CCDC60: variants seen among roughly 807,000 people sequenced by gnomAD.
CCDC60 encodes coiled-coil domain-containing protein 60.
A neutral mutation model predicts 63.5 loss-of-function variants in CCDC60; 54 were observed. That is an observed-to-expected ratio of 0.85 (90% confidence interval 0.68 to 1.07). CCDC60 has a LOEUF of 1.07. CCDC60 is among the 50% of genes least tolerant of loss of function. CCDC60 has a pLI of 0.00. For synonymous variants in CCDC60, 206 were observed against 238.8 expected (o/e 0.86, Z 1.27); for missense variants, 651 against 684.3 (o/e 0.95, Z 0.54).
At chr12:119,506,468 C>T (rs900939496) in intron 7 of CCDC60, among the ~76,000 whole-genome samples, 4 of 147,244 alleles carry the variant, frequency 2.7e-5, no homozygotes, top group Non-Finnish European at 6.0e-5. Context: ...AAAAAATTAG[C>T]CATGCATGGT....
chr12:119,504,567 A>G (rs1566047547), intron 6 of CCDC60, among the ~76,000 whole-genome samples: 1 of 151,934 alleles, frequency 6.6e-6, no homozygotes, highest in Non-Finnish European at 1.5e-5. Context: ...TCTTTAGAAA[A>G]CCTCCATGAT....
intron 4 of CCDC60, among the ~76,000 whole-genome samples, chr12:119,482,713 T>C (rs977774661): frequency 6.6e-6 from 1 of 152,132 alleles, no homozygotes; most frequent in Non-Finnish European, 1.5e-5. Context: ...AACAACGATT[T>C]AGTATTGCTC....
In CCDC60 at chr12:119,520,501, G is replaced by A. The variant is rs184092433; in HGVS notation, c.1040+309G>A. On this transcript the variant is annotated intron_variant, in intron 9 of 13. Transcript: ENST00000327554. ...TTGGGTAATTTATAATGGAGGAGGT[G>A]GAGATCTTACCCCAATTTATTTGTT... Among the ~76,000 whole-genome samples, 7 of 151,930 alleles carry A rather than the reference G, an allele frequency of 4.6e-5. No homozygotes were observed. In the East Asian group the frequency reaches 9.7e-4, roughly 21 times the overall value.
At chr12:119,479,482 T>C in intron 4 of CCDC60, 1 of 388,722 alleles carries the variant, frequency 2.6e-6, no homozygotes, top group South Asian at 2.7e-5. Flanking sequence ...AAAATCTGTC[T>C]ACAGCCCTCA....
rs186548565 is a variant in CCDC60, at chr12:119,423,373, G to A, written c.91-5310G>A. Among the ~76,000 whole-genome samples, 14 of 152,314 alleles carry A rather than the reference G, an allele frequency of 9.2e-5. No individual in the cohort carries two copies. The East Asian group carries it at 2.5e-3, about 27-fold the overall frequency. ...TGGGGCCAAGACATTTGCATAAGGT[G>A]TACCCATAATTACTTGCTTTCACTC... is the stretch of plus-strand genomic sequence containing the variant. On this transcript the variant is annotated intron_variant, in intron 1 of 13. Coordinates refer to ENST00000327554, the MANE Select transcript of CCDC60 (RefSeq NM_178499.5).
chr12:119,505,458 C>G (rs1951972535), intron 7 of CCDC60, among the ~76,000 whole-genome samples, 155 bp downstream of exon 7: 2 of 152,232 alleles, frequency 1.3e-5, no homozygotes. Context: ...CTTTGTTTTC[C>G]CCAGTGGAGA....
chr12:119,433,339 A>G, intron 2 of CCDC60: 1 of 696,008 alleles, frequency 1.4e-6, no homozygotes, highest in Non-Finnish European at 2.6e-6. Context: ...CAACAGACGC[A>G]TTAAATGTTA....
At chr12:119,445,832 A>T (rs1175087504) in intron 2 of CCDC60, among the ~76,000 whole-genome samples, 1 of 152,224 alleles carries the variant, frequency 6.6e-6, no homozygotes, top group Non-Finnish European at 1.5e-5. Flanking sequence ...GGAGTAACTC[A>T]GGAATGGAAA....
At chr12:119,344,859 A>T (rs61939531) in intron 1 of CCDC60, among the ~76,000 whole-genome samples, 11,328 of 63,428 alleles carry the variant, frequency 0.18, 415 homozygotes, top group South Asian at 0.26. Flanking sequence ...TCTCTCTCAC[A>T]CACACACACA....
Position 119,456,957 on chromosome 12 carries a change from G to A in CCDC60, c.171-15037G>A, listed in dbSNP as rs1950759979. 6.6e-6 allele frequency among the ~76,000 whole-genome samples: 1 copy of A among 152,148 alleles called. No individual in the cohort carries two copies. The highest frequency in any genetic ancestry group is 6.5e-5 in the Admixed American group (1 of 15,282). On this transcript the variant is annotated intron_variant, in intron 2 of 13. Coordinates refer to ENST00000327554, the MANE Select transcript of CCDC60 (RefSeq NM_178499.5). This position sits in a 1 kb window ranked among gnomAD's most constrained non-coding sequence, Gnocchi z 4.6. ...GACTTAGAATGCTTTAACTGTCTGG[G>A]AATGCAGCCCAGTAGGTCTCAGCAT...
chr12:119,416,815 T>G (rs112348573), intron 1 of CCDC60, among the ~76,000 whole-genome samples: 5 of 152,256 alleles, frequency 3.3e-5, no homozygotes, highest in African/African-American at 1.2e-4. Context: ...GGATTTAGAA[T>G]GGAGTCTTTA....
intron 2 of CCDC60, among the ~76,000 whole-genome samples, chr12:119,462,553 T>G (rs1273335321): frequency 6.6e-6 from 1 of 152,146 alleles, no homozygotes; most frequent in East Asian, 1.9e-4. Context: ...AGAGCATGAA[T>G]AAGTTGAAAA....
At chr12:119,368,000 T>C (rs928823045) in intron 1 of CCDC60, among the ~76,000 whole-genome samples, 1 of 151,544 alleles carries the variant, frequency 6.6e-6, no homozygotes, top group African/African-American at 2.4e-5. Flanking sequence ...CTGTACACTT[T>C]AAATGGGTGA....
At chr12:119,507,197 C>A (rs1438939051) in intron 7 of CCDC60, among the ~76,000 whole-genome samples, 1 of 151,758 alleles carries the variant, frequency 6.6e-6, no homozygotes, top group African/African-American at 2.4e-5. Context: ...TGTGTGGGGC[C>A]CTGATGTTCA....
At chr12:119,537,013 C>A (rs557207025) in intron 13 of CCDC60, among the ~76,000 whole-genome samples, 2 of 152,194 alleles carry the variant, frequency 1.3e-5, no homozygotes, top group Non-Finnish European at 2.9e-5. Context: ...TATTTTCCAA[C>A]TTGGTTCCAT....
intron 1 of CCDC60, among the ~76,000 whole-genome samples, chr12:119,352,665 G>A (rs1955668317): frequency 6.6e-6 from 1 of 152,118 alleles, no homozygotes; most frequent in South Asian, 2.1e-4. Flanking sequence ...AGTCAGACAT[G>A]GTGGCTCATG....
At chr12:119,383,960 G>A (rs1428955789) in intron 1 of CCDC60, among the ~76,000 whole-genome samples, 1 of 152,204 alleles carries the variant, frequency 6.6e-6, no homozygotes, top group African/African-American at 2.4e-5. Flanking sequence ...ACTTTGAGAG[G>A]CCGAGGCGGG....
At chr12:119,486,861 A>G (rs1951452998) in intron 4 of CCDC60, among the ~76,000 whole-genome samples, 1 of 152,144 alleles carries the variant, frequency 6.6e-6, no homozygotes, top group South Asian at 2.1e-4. Flanking sequence ...CAGAGAGTAG[A>G]GATACCTTCC....
chr12:119,340,468 G>C (rs998858491), intron 1 of CCDC60, among the ~76,000 whole-genome samples: 5 of 152,094 alleles, frequency 3.3e-5, no homozygotes, highest in African/African-American at 1.2e-4. Flanking sequence ...TGAAGAAGGG[G>C]GCAAACCCAG....
Sources: allele counts gnomAD v4.1 joint callset (sites outside exome capture counted in the v4.1 genomes callset), GRCh38; gene constraint gnomAD v4.1.1; non-coding constraint Gnocchi (gnomAD v3.1); transcripts MANE v1.5; gene names NCBI Gene and HGNC (gene_info 2026-07-23, HGNC 2026-07-21).